The following ITPRID2 variants were observed in gnomAD, a reference collection of about 807,000 sequenced individuals.
The protein encoded by ITPRID2 is ITPR interacting domain containing 2.
ITPRID2 carries 60 observed loss-of-function variants against 124.3 expected under a neutral mutation model. The observed-to-expected ratio is 0.48, with a 90% CI of 0.39 to 0.60. The LOEUF (loss-of-function observed/expected upper bound fraction) is 0.60. Ranked by LOEUF, ITPRID2 falls within the 20% of genes least tolerant of loss-of-function variation. The pLI, the probability that ITPRID2 is intolerant of heterozygous loss-of-function variation, is 0.00. For synonymous variants in ITPRID2, 521 were observed against 542.9 expected (o/e 0.96, Z 0.56); for missense variants, 1,553 against 1,512.2 (o/e 1.03, Z -0.45).
chr2:181,896,806 T>G lies in ITPRID2; in HGVS notation c.308-102T>G. On this transcript the variant is annotated intron_variant, in intron 3 of 17. Transcript: ENST00000431877. This position sits in a 1 kb window ranked among gnomAD's most constrained non-coding sequence, Gnocchi z 4.3. ...TACATTCAAGTCTGAAAGATTTTAC[T>G]GTATAAGATATTTTGCTGGGTGAAT... 1 of 831,226 alleles carries G rather than the reference T, an allele frequency of 1.2e-6. No individual in the cohort carries two copies. The highest frequency in any genetic ancestry group is 2.0e-6 in the Non-Finnish European group (1 of 493,160). The allele number at this position is 831,226 out of a possible 1,614,324, so 51.5% of individuals were successfully genotyped here.
intron 11 of ITPRID2, 89 bp downstream of exon 11, chr2:181,916,516 A>G: frequency 7.0e-7 from 1 of 1,432,160 alleles, no homozygotes; most frequent in Admixed American, 2.2e-5. Context: ...CACATCAAGT[A>G]TGAACTACCT....
chr2:181,899,844 C>G lies in ITPRID2; in HGVS notation c.503+732C>G, dbSNP rs12104879. Among the ~76,000 whole-genome samples the G allele has an allele frequency of 8.9e-3, 1,361 of 152,240 alleles. 11 individuals are homozygous for G. The highest frequency in any genetic ancestry group is 0.031 in the African/African-American group (1,285 of 41,540). ...GAGACGCTGTCTCAAAAAAGCCAAA[C>G]AGAAAAATACCCTTGCCCCTCTCCC... On this transcript the variant is annotated intron_variant, in intron 6 of 17. Coordinates refer to ENST00000431877, the MANE Select transcript of ITPRID2 (RefSeq NM_001130445.3).
Position 181,909,990 on chromosome 2 carries a change from A to G in ITPRID2, c.1486+19A>G. ...AAAAGAGGTAAGTGGACCAGTATCC[A>G]CTAGTTCTGAGCACATTATCAAATA... is the stretch of plus-strand genomic sequence containing the variant. On this transcript the variant is annotated intron_variant, in intron 9 of 17. Transcript: ENST00000431877. The G allele has an allele frequency of 1.3e-6, 2 of 1,585,176 alleles. No individual in the cohort carries two copies. The highest frequency in any genetic ancestry group is 1.7e-6 in the Non-Finnish European group (2 of 1,154,810).
In ITPRID2 at chr2:181,913,841, A is replaced by C; in HGVS notation, c.1487-4A>C. The stretch of plus-strand genomic sequence containing the variant: ...TTCTTATAGCCACATTTTTTTATTC[A>C]TAGATCATCTGTTACGTACTGCAAG... On this transcript the variant is annotated splice_region_variant and splice_polypyrimidine_tract_variant and intron_variant, in intron 9 of 17. Coordinates refer to ENST00000431877, the MANE Select transcript of ITPRID2 (RefSeq NM_001130445.3). 1 of 1,603,364 alleles carries C rather than the reference A, an allele frequency of 6.2e-7. No homozygotes were observed. Among genetic ancestry groups the C allele is most frequent in the Non-Finnish European group, 8.5e-7 (1 of 1,176,590 alleles).
Position 181,892,703 on chromosome 2 carries a change from G to A in ITPRID2, c.257+43G>A. 1.2e-6 allele frequency: 2 copies of A among 1,612,468 alleles called. No homozygotes were observed. Among genetic ancestry groups the A allele is most frequent in the South Asian group, 2.2e-5 (2 of 91,044 alleles). ...CGCCCGCGTCCCGGGGGAGATCCGT[G>A]CGGACGGGACGCCGGAGCAGAGCCA... On this transcript the variant is annotated intron_variant, in intron 2 of 17. Transcript: ENST00000431877. The surrounding 1 kb of genome is among the most constrained non-coding windows in gnomAD (Gnocchi z 5.2).
intron 11 of ITPRID2, 26 bp downstream of exon 11, chr2:181,916,453 A>G: frequency 6.3e-7 from 1 of 1,594,694 alleles, no homozygotes; most frequent in Non-Finnish European, 8.5e-7. Context: ...TGTTATCATT[A>G]GCTTTTTTCT....
rs1265233782 is a variant in ITPRID2 at position 181,922,283 on chromosome 2, A to T, written c.3546A>T (p.Glu1182Asp). Residue 1182 changes from glutamate (E) to aspartate (D), a missense_variant, in exon 16 of 18, where the codon GAA becomes GAT. Transcript: ENST00000431877. Reference sequence around the variant, plus strand: ...GTTCTGAGGAAGTTGATGCAGCTGAAGGAGCCCCAGAAGTTGTAGGACCTA... The same window carrying T: ...GTTCTGAGGAAGTTGATGCAGCTGATGGAGCCCCAGAAGTTGTAGGACCTA... ...LESSEEVDAAEGAPEVVGPKS... is the reference protein window; with the variant it reads ...LESSEEVDAADGAPEVVGPKS... 6.2e-7 allele frequency: 1 copy of T among 1,614,250 alleles called. No individual in the cohort carries two copies. The highest frequency in any genetic ancestry group is 2.2e-5 in the East Asian group (1 of 44,886).
chr2:181,928,535 A>G (rs567885310), intron 17 of ITPRID2, among the ~76,000 whole-genome samples: 19 of 152,290 alleles, frequency 1.2e-4, no homozygotes, highest in African/African-American at 4.3e-4. Context: ...AAATCCTGGA[A>G]TTGGACCTTC....
intron 17 of ITPRID2, 72 bp downstream of exon 17, chr2:181,928,350 G>A: frequency 1.1e-6 from 1 of 935,292 alleles, no homozygotes; most frequent in Non-Finnish European, 1.6e-6. Flanking sequence ...TGTTTTGTTA[G>A]TATACAGGTT....
chr2:181,900,206 G>A (rs982773852), intron 6 of ITPRID2, among the ~76,000 whole-genome samples: 1 of 152,080 alleles, frequency 6.6e-6, no homozygotes, highest in Non-Finnish European at 1.5e-5. Flanking sequence ...CTCCTCCCTC[G>A]CTTCTCTGAA....
rs1692728013 is a variant in ITPRID2 at position 181,902,253 on chromosome 2, A to C, written c.1200A>C (p.Gln400His). The C allele has an allele frequency of 6.2e-7, 1 of 1,613,038 alleles. No homozygotes were observed. The highest frequency in any genetic ancestry group is 2.2e-5 in the East Asian group (1 of 44,846). Reference protein sequence around the residue: ...GTENEQSKETQSHESKLGEES... With the variant: ...GTENEQSKETHSHESKLGEES... ...AAAATGAACAAAGTAAAGAAACTCA[A>C]AGTCATGAGAGTAAACTGGGTGAGG... The change falls in exon 8 of 18, where the codon CAA becomes CAC. Residue 400 changes from glutamine (Q) to histidine (H), a missense_variant. Gln to His is a conservative substitution (Grantham distance 24, BLOSUM62 0). Transcript: ENST00000431877. This position sits in a 1 kb window ranked among gnomAD's most constrained non-coding sequence, Gnocchi z 4.4.
chr2:181,900,902 C>G lies in ITPRID2; in HGVS notation c.710C>G (p.Thr237Arg). The change falls in exon 7 of 18, where the codon ACA (threonine) becomes AGA (arginine). Residue 237 changes from threonine (T) to arginine (R), a missense_variant and splice_region_variant. Transcript: ENST00000431877. Reference sequence around the variant, plus strand: ...GTAGAAAACCCAAATTATGCTTTAACAAGTAAGATTTTTAAGTGTTAGGCA... The same window carrying G: ...GTAGAAAACCCAAATTATGCTTTAAGAAGTAAGATTTTTAAGTGTTAGGCA... ...MEVENPNYAL[T>R]SRFRQIEVLT... is the part of the protein sequence containing the mutation. 1 of 1,603,762 alleles carries G rather than the reference C, an allele frequency of 6.2e-7. No homozygotes were observed. The highest frequency in any genetic ancestry group is 1.1e-5 in the South Asian group (1 of 88,462).
intron 9 of ITPRID2, among the ~76,000 whole-genome samples, chr2:181,911,850 A>T (rs1413075216): frequency 6.6e-6 from 1 of 152,354 alleles, no homozygotes; most frequent in East Asian, 1.9e-4. Flanking sequence ...TATATTGCTT[A>T]TGACGAGAAA....
intron 16 of ITPRID2, among the ~76,000 whole-genome samples, chr2:181,925,221 C>G (rs1054539184): frequency 1.3e-5 from 2 of 152,196 alleles, no homozygotes; most frequent in East Asian, 1.9e-4. Context: ...TTAGTAGGCA[C>G]TCAGTAAGTG....
Position 181,919,311 on chromosome 2 carries a change from G to T in ITPRID2, c.3009G>T (p.Gln1003His), listed in dbSNP as rs577115779. 2 of 1,614,084 alleles carry T rather than the reference G, an allele frequency of 1.2e-6. No homozygotes were observed. Among genetic ancestry groups the T allele is most frequent in the Non-Finnish European group, 8.5e-7 (1 of 1,180,030 alleles). The change falls in exon 14 of 18, where the codon CAG becomes CAT. Residue 1003 changes from glutamine (Q) to histidine (H), a missense_variant. Transcript: ENST00000431877. This position sits in a 1 kb window ranked among gnomAD's most constrained non-coding sequence, Gnocchi z 4.2. ...MTEEERFEVD[Q>H]LQGLRNSVRM... is the part of the protein sequence containing the mutation. ...ATACCAATAGGTTTGAAGTTGATCA[G>T]CTCCAGGGTTTGAGAAATTCAGTCC...
chr2:181,916,547 T>C, intron 11 of ITPRID2, 120 bp downstream of exon 11: 1 of 1,274,810 alleles, frequency 7.8e-7, no homozygotes. Flanking sequence ...TTCTGACATG[T>C]CTAAACTTAA....
chr2:181,922,512 G>A (rs1694556200), intron 16 of ITPRID2, 100 bp downstream of exon 16: 2 of 1,135,900 alleles, frequency 1.8e-6, no homozygotes, highest in Non-Finnish European at 2.4e-6. Flanking sequence ...TTGATTCACT[G>A]TATTCAATAA....
intron 15 of ITPRID2, 23 bp from the exon 16 acceptor site, chr2:181,921,925 T>C: frequency 1.3e-6 from 2 of 1,592,018 alleles, no homozygotes; most frequent in Non-Finnish European, 1.7e-6. Flanking sequence ...GAGAGAAGAA[T>C]AACATTTTTT....
chr2:181,897,656 A>G (rs1326175239), intron 4 of ITPRID2, among the ~76,000 whole-genome samples: 6 of 151,792 alleles, frequency 4.0e-5, no homozygotes, highest in Non-Finnish European at 8.8e-5. Flanking sequence ...CAAATTGCAT[A>G]GATTATTCAT....
Sources: allele counts gnomAD v4.1 joint callset (sites outside exome capture counted in the v4.1 genomes callset), GRCh38; gene constraint gnomAD v4.1.1; non-coding constraint Gnocchi (gnomAD v3.1); transcripts MANE v1.5; gene names NCBI Gene and HGNC (gene_info 2026-07-23, HGNC 2026-07-21).